NME7: variants seen among roughly 807,000 people sequenced by gnomAD.
NME7 encodes the protein NME/NM23 family member 7.
Under a neutral mutation model 49.1 loss-of-function variants are expected in NME7, and 41 were observed. The observed-to-expected ratio is 0.83, with a 90% CI of 0.65 to 1.08. NME7 has a LOEUF of 1.08. NME7 is among the 50% of genes least tolerant of loss of function. The pLI is 0.00. For missense variants in NME7, 423 were observed against 463.4 expected, an observed-to-expected ratio of 0.91 and a Z score of 0.80; for synonymous variants, 139 against 150.6, an observed-to-expected ratio of 0.92 and a Z score of 0.56.
chr1:169,283,474 T>C (rs555499202), intron 7 of NME7, among the ~76,000 whole-genome samples: 1 of 152,210 alleles, frequency 6.6e-6, no homozygotes, highest in Non-Finnish European at 1.5e-5. Flanking sequence ...AGTTGTGAAT[T>C]TGATCCTGTC....
intron 6 of NME7, among the ~76,000 whole-genome samples, chr1:169,296,302 A>G (rs1212263561): frequency 6.6e-6 from 1 of 152,182 alleles, no homozygotes; most frequent in Non-Finnish European, 1.5e-5. Context: ...GCAAAATTTA[A>G]CAATCCATTC....
intron 1 of NME7, among the ~76,000 whole-genome samples, chr1:169,337,075 G>A (rs1024823480): frequency 1.3e-5 from 2 of 152,354 alleles, no homozygotes; most frequent in Non-Finnish European, 2.9e-5. Flanking sequence ...CCGTGTGCCC[G>A]CACTCCTCAG....
chr1:169,239,974 T>C (rs1165641007), intron 7 of NME7, among the ~76,000 whole-genome samples: 1 of 152,006 alleles, frequency 6.6e-6, no homozygotes, highest in African/African-American at 2.4e-5. Flanking sequence ...CCAGAAGTTC[T>C]CAAACATTTT....
At chr1:169,183,972 T>TC (rs961805427) in intron 10 of NME7, among the ~76,000 whole-genome samples, 20 of 152,060 alleles carry the variant, frequency 1.3e-4, no homozygotes, top group Non-Finnish European at 2.6e-4. Context: ...GTAAAAAGAT[T>TC]TTTTTTTCTC....
intron 7 of NME7, chr1:169,286,496 A>G (rs1650279611): frequency 6.6e-6 from 1 of 152,110 alleles, no homozygotes; most frequent in Admixed American, 6.6e-5. Flanking sequence ...AAATAAATAA[A>G]ATAAAGAAAT....
rs142610583 is a variant in NME7 at position 169,199,340 on chromosome 1, C to G, written c.991-29786G>C. 6.5e-3 allele frequency among the ~76,000 whole-genome samples: 986 copies of G among 151,626 alleles called. 14 individuals carry two copies. The highest frequency in any genetic ancestry group is 0.022 in the African/African-American group (925 of 41,412). ...AGATATCATTATTATTACAATTTTACAAATGAAGAAACTAAAGTTTTCAAA... is the reference window on the plus strand; with the variant it reads ...AGATATCATTATTATTACAATTTTAGAAATGAAGAAACTAAAGTTTTCAAA... On this transcript the variant is annotated intron_variant, in intron 10 of 11. Transcript: ENST00000367811.
In NME7 at chr1:169,191,454, A is replaced by T. The variant is rs533980967; in HGVS notation, c.991-21900T>A. ...TGACCCTGAAATGTGATACCTATAG[A>T]ATCTAAGAGTTTACTGGGAAAACCA... is the stretch of plus-strand genomic sequence containing the variant. On this transcript the variant is annotated intron_variant, in intron 10 of 11. Coordinates refer to ENST00000367811, the MANE Select transcript of NME7 (RefSeq NM_013330.5). Among the ~76,000 whole-genome samples, 5 of 152,326 alleles carry T rather than the reference A, an allele frequency of 3.3e-5. No homozygotes were observed. In the East Asian group the frequency reaches 9.7e-4, roughly 29 times the overall value.
chr1:169,200,820 T>G (rs1471046224), intron 10 of NME7, among the ~76,000 whole-genome samples: 1 of 152,204 alleles, frequency 6.6e-6, no homozygotes, highest in African/African-American at 2.4e-5. Context: ...TTTCCCTGTG[T>G]GGCCCTGCAT....
chr1:169,310,614 C>T (rs1651345564), intron 3 of NME7: 1 of 152,450 alleles, frequency 6.6e-6, no homozygotes, highest in African/African-American at 2.4e-5. Flanking sequence ...TACGTAACAA[C>T]ATGCTAACTT....
chr1:169,347,424 T>C (rs1652987830), intron 1 of NME7, among the ~76,000 whole-genome samples: 1 of 151,934 alleles, frequency 6.6e-6, no homozygotes, highest in African/African-American at 2.4e-5. Flanking sequence ...GGGAGGAAGA[T>C]GGACGTTGGC....
intron 1 of NME7, among the ~76,000 whole-genome samples, chr1:169,338,934 T>G (rs1175487834): frequency 2.0e-5 from 3 of 152,202 alleles, no homozygotes; most frequent in Admixed American, 6.5e-5. Flanking sequence ...AACACTGGGT[T>G]GTCGTCTAAT....
intron 7 of NME7, among the ~76,000 whole-genome samples, chr1:169,254,888 T>C (rs1262433614): frequency 7.7e-6 from 1 of 130,142 alleles, no homozygotes; most frequent in Non-Finnish European, 1.7e-5. Context: ...GTGAGATTCT[T>C]AATCCTGAGT....
intron 4 of NME7, among the ~76,000 whole-genome samples, chr1:169,304,642 A>G (rs1651103037): frequency 6.6e-6 from 1 of 152,212 alleles, no homozygotes; most frequent in East Asian, 1.9e-4. Flanking sequence ...CCTTACAACA[A>G]TATATTGAAA....
intron 10 of NME7, among the ~76,000 whole-genome samples, chr1:169,197,542 T>C (rs1444128249): frequency 6.6e-6 from 1 of 152,062 alleles, no homozygotes; most frequent in Non-Finnish European, 1.5e-5. Flanking sequence ...AATTGAGAGC[T>C]CAGAAATAAA....
At chr1:169,339,606 T>C (rs1652608906) in intron 1 of NME7, among the ~76,000 whole-genome samples, 1 of 152,128 alleles carries the variant, frequency 6.6e-6, no homozygotes, top group African/African-American at 2.4e-5. Context: ...CTGAGCCAAG[T>C]CTTGTTATTC....
rs374607988 is a variant in NME7, at chr1:169,298,536, A to G, written c.648+20T>C. ...TTAACAGAACTAGAAGAGCATTAAA[A>G]TATTTTTAAAACACCTTACTCTGGC... On this transcript the variant is annotated intron_variant, in intron 6 of 11. Transcript: ENST00000367811. The G allele has an allele frequency of 3.6e-5, 58 of 1,607,906 alleles. No individual in the cohort carries two copies. The African/African-American group carries it at 5.5e-4, about 15-fold the overall frequency.
At chr1:169,332,782 C>G (rs754675885) in intron 1 of NME7, among the ~76,000 whole-genome samples, 2 of 152,062 alleles carry the variant, frequency 1.3e-5, no homozygotes, top group Non-Finnish European at 2.9e-5. Context: ...ATCATCTTAT[C>G]CCAGTTAAAA....
chr1:169,260,131 A>T (rs74646433), intron 7 of NME7, among the ~76,000 whole-genome samples: 2,440 of 133,780 alleles, frequency 0.018, 350 homozygotes, highest in African/African-American at 0.055. Context: ...AGAACTAATA[A>T]CTAAAATAAG....
intron 1 of NME7, among the ~76,000 whole-genome samples, chr1:169,341,857 T>A (rs981142002): frequency 1.3e-5 from 2 of 152,172 alleles, no homozygotes; most frequent in African/African-American, 4.8e-5. Flanking sequence ...TTCTCCCATT[T>A]CGAATGGGAA....
Sources: allele counts gnomAD v4.1 joint callset (sites outside exome capture counted in the v4.1 genomes callset), GRCh38; gene constraint gnomAD v4.1.1; transcripts MANE v1.5; gene names NCBI Gene and HGNC (gene_info 2026-07-23, HGNC 2026-07-21).